The following AEBP2 variants were observed in gnomAD, a reference collection of about 807,000 sequenced individuals.
AEBP2 encodes the protein AE binding protein 2, also known as zinc finger protein AEBP2.
Under a neutral mutation model 50.8 loss-of-function variants are expected in AEBP2, and 10 were observed. The ratio of observed to expected loss-of-function variants is 0.20; its 90% CI spans 0.12 to 0.33. The LOEUF (loss-of-function observed/expected upper bound fraction) is 0.33. AEBP2 is among the 10% of genes least tolerant of loss of function. The probability of loss-of-function intolerance (pLI) is 1.00; values close to 1 mark genes in which losing one functional copy is unlikely to be tolerated. For missense variants in AEBP2, 570 were observed against 688.0 expected, an observed-to-expected ratio of 0.83 and a Z score of 1.92; for synonymous variants, 296 against 261.3, an observed-to-expected ratio of 1.13 and a Z score of -1.28.
At chr12:19,446,973 ATAGT>A (rs1592721600) in intron 1 of AEBP2, among the ~76,000 whole-genome samples, 1 of 152,154 alleles carries the variant, frequency 6.6e-6, no homozygotes, top group Non-Finnish European at 1.5e-5. Context: ...AACGTGTTGT[ATAGT>A]TAGTGACTAA....
At chr12:19,495,885 C>G (rs4963544) in intron 4 of AEBP2, among the ~76,000 whole-genome samples, 3,271 of 152,200 alleles carry the variant, frequency 0.021, 41 homozygotes, top group East Asian at 0.043. Context: ...TAATTTTAAT[C>G]AACGTTGGCT....
intron 3 of AEBP2, among the ~76,000 whole-genome samples, chr12:19,484,619 C>T (rs910639463): frequency 1.3e-5 from 2 of 151,988 alleles, no homozygotes; most frequent in South Asian, 2.1e-4. Context: ...GTGATCCGCC[C>T]GCCTTGGCCT....
rs1308901017 is a variant in AEBP2, at chr12:19,456,145, C to G, written c.672-6365C>G. On this transcript the variant is annotated intron_variant, in intron 1 of 7. Coordinates refer to ENST00000266508, the MANE Select transcript of AEBP2 (RefSeq NM_153207.5). ...TTTACAATGCATTGTTGTAACCAGT[C>G]TTTTACTACTAAACTTAAATGGCCA... 3.7e-6 allele frequency: 3 copies of G among 804,586 alleles called. No individual in the cohort carries two copies. In the African/African-American group the frequency reaches 5.1e-5, roughly 14 times the overall value. 49.8% of individuals were successfully genotyped at this position (804,586 alleles called of 1,614,324 possible).
chr12:19,501,797 G>GTTTTTTGTTTTTTTTTTTTTTTTT (rs1555187205), intron 5 of AEBP2, among the ~76,000 whole-genome samples: 1 of 70,870 alleles, frequency 1.4e-5, no homozygotes, highest in Non-Finnish European at 2.7e-5. Flanking sequence ...AAATGAGTTT[G>GTTTTTTGTTTTTTTTTTTTTTTTT]TTTTTTTTTT....
At chr12:19,441,070 C>T (rs1282097415) in intron 1 of AEBP2, among the ~76,000 whole-genome samples, 1 of 152,078 alleles carries the variant, frequency 6.6e-6, no homozygotes, top group Non-Finnish European at 1.5e-5. Flanking sequence ...TTTGCGGAAT[C>T]AGAGAGTTGG....
At chr12:19,446,368 T>G (rs2153367138) in intron 1 of AEBP2, among the ~76,000 whole-genome samples, 1 of 152,204 alleles carries the variant, frequency 6.6e-6, no homozygotes, top group East Asian at 1.9e-4. Flanking sequence ...TCCCTGCACT[T>G]TGGAAGGCCA....
intron 2 of AEBP2, among the ~76,000 whole-genome samples, chr12:19,467,842 A>C (rs1049133125): frequency 2.0e-5 from 3 of 152,014 alleles, no homozygotes; most frequent in African/African-American, 7.3e-5. Flanking sequence ...GTGTCATTTG[A>C]GGTTTACTTT....
At chr12:19,458,478 A>G (rs1487441364) in intron 1 of AEBP2, among the ~76,000 whole-genome samples, 1 of 152,206 alleles carries the variant, frequency 6.6e-6, no homozygotes, top group East Asian at 1.9e-4. Context: ...GTGGTAGGCA[A>G]AGCTCATGCT....
intron 7 of AEBP2, 142 bp from the exon 8 acceptor site, chr12:19,517,945 A>G (rs1208487926): frequency 3.7e-5 from 28 of 760,804 alleles, no homozygotes; most frequent in Non-Finnish European, 4.7e-5. Flanking sequence ...ATCCATATGT[A>G]TAAATGTTTT....
chr12:19,456,054 A>G (rs1320670973), intron 1 of AEBP2, among the ~76,000 whole-genome samples: 1 of 152,140 alleles, frequency 6.6e-6, no homozygotes, highest in Non-Finnish European at 1.5e-5. Flanking sequence ...TAATAACTTA[A>G]AACTGCCACG....
At chr12:19,497,328 GTT>G (rs34011915) in intron 4 of AEBP2, among the ~76,000 whole-genome samples, 1 of 78,716 alleles carries the variant, frequency 1.3e-5, no homozygotes, top group African/African-American at 5.1e-5. Context: ...TTCCAAAGGT[GTT>G]TTTTTTTTTT....
At chr12:19,463,649 CA>C (rs1252273059) in intron 2 of AEBP2, among the ~76,000 whole-genome samples, 1 of 146,974 alleles carries the variant, frequency 6.8e-6, no homozygotes, top group Non-Finnish European at 1.5e-5. Context: ...ACATTTTAAG[CA>C]GTGATGTCAT....
chr12:19,421,484 T>C (rs756492153), intron 1 of AEBP2, among the ~76,000 whole-genome samples: 1 of 151,726 alleles, frequency 6.6e-6, no homozygotes, highest in Non-Finnish European at 1.5e-5. Context: ...TAGCTGGGCA[T>C]TGTGGTATGT....
intron 3 of AEBP2, among the ~76,000 whole-genome samples, chr12:19,478,709 G>C (rs1033162746): frequency 6.6e-6 from 1 of 152,118 alleles, no homozygotes; most frequent in African/African-American, 2.4e-5. Context: ...TTTCCACCTT[G>C]ATTTCATTGT....
chr12:19,501,039 C>T (rs760186107), intron 5 of AEBP2, among the ~76,000 whole-genome samples: 19 of 152,048 alleles, frequency 1.2e-4, no homozygotes, highest in Non-Finnish European at 2.4e-4. Flanking sequence ...TTTAGGCTGA[C>T]AAAATACAGG....
chr12:19,456,556 CA>C, intron 1 of AEBP2: 1 of 1,537,632 alleles, frequency 6.5e-7, no homozygotes, highest in Admixed American at 1.7e-5. Context: ...CAATCCAGTA[CA>C]GGGGCATAGC....
chr12:19,475,059 G>A (rs1266104964), intron 3 of AEBP2, among the ~76,000 whole-genome samples: 1 of 152,140 alleles, frequency 6.6e-6, no homozygotes, highest in Non-Finnish European at 1.5e-5. Context: ...CCAAAGTGCT[G>A]GGATTAACCA....
intron 1 of AEBP2, among the ~76,000 whole-genome samples, chr12:19,429,594 A>G (rs2095750366): frequency 6.6e-6 from 1 of 152,230 alleles, no homozygotes; most frequent in Non-Finnish European, 1.5e-5. Context: ...AGTCCCACCA[A>G]CAGTATAAAA....
intron 1 of AEBP2, among the ~76,000 whole-genome samples, chr12:19,417,460 G>A (rs886802958): frequency 3.3e-5 from 5 of 152,056 alleles, no homozygotes; most frequent in Admixed American, 6.6e-5. Context: ...AGGCTGGAGT[G>A]CAGTCATATG....
Sources: gnomAD v4.1 joint callset for allele counts (sites outside exome capture counted in the v4.1 genomes callset) on GRCh38, gnomAD v4.1.1 for gene constraint, MANE v1.5 for transcripts, NCBI Gene and HGNC (gene_info 2026-07-23, HGNC 2026-07-21) for gene names.